TMEM150C: variants seen among roughly 807,000 people sequenced by gnomAD.
TMEM150C encodes tentonin 3.
TMEM150C carries 10 observed loss-of-function variants against 29.9 expected under a neutral mutation model. The ratio of observed to expected loss-of-function variants is 0.33; its 90% CI spans 0.21 to 0.57. The LOEUF (loss-of-function observed/expected upper bound fraction) is 0.57, where lower values mean the gene tolerates loss of function less well. Among genes scored for constraint, TMEM150C ranks in the 20% least tolerant of loss-of-function variants. The pLI is 0.88. For missense variants in TMEM150C, 251 were observed against 303.6 expected, an observed-to-expected ratio of 0.83 and a Z score of 1.29; for synonymous variants, 101 against 112.5, an observed-to-expected ratio of 0.90 and a Z score of 0.64.
chr4:82,524,166 G>C (rs767896571), intron 1 of TMEM150C, among the ~76,000 whole-genome samples: 1 of 151,570 alleles, frequency 6.6e-6, no homozygotes, highest in Non-Finnish European at 1.5e-5. Context: ...TACTCGGAAG[G>C]CTGAGGCAGG....
rs539887817 is a variant in TMEM150C, at chr4:82,549,100, G to A, written c.-11+12806C>T. Among the ~76,000 whole-genome samples the A allele has an allele frequency of 1.7e-4, 26 of 152,052 alleles. No homozygotes were observed. In the East Asian group the frequency reaches 5.0e-3, roughly 29 times the overall value. On this transcript the variant is annotated intron_variant, in intron 1 of 7. Coordinates refer to ENST00000449862, the MANE Select transcript of TMEM150C (RefSeq NM_001080506.3). The stretch of plus-strand genomic sequence containing the variant: ...ACTAAAAAAAAAAATCCCCAATTCA[G>A]AGATAACCACTGTTACATTTGATGT...
chr4:82,501,485 A>G (rs933579670), intron 5 of TMEM150C, among the ~76,000 whole-genome samples: 81 of 152,208 alleles, frequency 5.3e-4, no homozygotes, highest in Admixed American at 3.9e-4. Flanking sequence ...CTGCTTTGGC[A>G]AATGGGATAC....
chr4:82,543,297 A>G (rs1186282416), intron 1 of TMEM150C, among the ~76,000 whole-genome samples: 5 of 152,210 alleles, frequency 3.3e-5, no homozygotes, highest in African/African-American at 1.2e-4. Context: ...GTGGTGGATG[A>G]GCCATGACCC....
chr4:82,487,868 C>A (rs1367208459), intron 7 of TMEM150C, among the ~76,000 whole-genome samples: 4 of 152,090 alleles, frequency 2.6e-5, no homozygotes, highest in Non-Finnish European at 5.9e-5. Flanking sequence ...AAGCTACTTT[C>A]TCTCTCTTTC....
intron 5 of TMEM150C, among the ~76,000 whole-genome samples, chr4:82,499,364 T>C (rs1723654848): frequency 6.6e-6 from 1 of 152,146 alleles, no homozygotes; most frequent in Admixed American, 6.5e-5. Flanking sequence ...GTGGTTTTGG[T>C]ATTTGAAACA....
At chr4:82,501,752 T>C (rs974908391) in intron 5 of TMEM150C, among the ~76,000 whole-genome samples, 1 of 152,204 alleles carries the variant, frequency 6.6e-6, no homozygotes, top group Non-Finnish European at 1.5e-5. Flanking sequence ...GGTCTTCCCA[T>C]TCTTATAGCA....
chr4:82,485,654 A>AAT lies in TMEM150C; in HGVS notation c.606_607insAT (p.Cys203IlefsTer31). On this transcript the variant is annotated frameshift_variant, in exon 8 of 8. Coordinates refer to ENST00000449862, the MANE Select transcript of TMEM150C (RefSeq NM_001080506.3). LOFTEE classifies it high-confidence loss of function. ...AAGGTGCCAAAATAAGACAGGAAGC[A>AAT]CATGACCAGGCCCCACTGGACCCTG... 1 of 1,609,822 alleles carries AAT rather than the reference A, an allele frequency of 6.2e-7. No individual in the cohort carries two copies. The highest frequency in any genetic ancestry group is 8.5e-7 in the Non-Finnish European group (1 of 1,178,082).
intron 1 of TMEM150C, among the ~76,000 whole-genome samples, chr4:82,552,669 C>A (rs1246834200): frequency 6.6e-6 from 1 of 152,274 alleles, no homozygotes; most frequent in East Asian, 1.9e-4. Context: ...CTGAGCTCCC[C>A]GACCCACCCA....
intron 1 of TMEM150C, among the ~76,000 whole-genome samples, chr4:82,559,044 C>T (rs938763730): frequency 2.0e-5 from 3 of 152,182 alleles, no homozygotes; most frequent in Non-Finnish European, 1.5e-5. Flanking sequence ...TTCTCCCCAC[C>T]CTTGAGAATG....
intron 1 of TMEM150C, among the ~76,000 whole-genome samples, chr4:82,555,584 T>G (rs1166614214): frequency 6.6e-6 from 1 of 152,206 alleles, no homozygotes; most frequent in Non-Finnish European, 1.5e-5. Context: ...ATAACTGGCA[T>G]CAGCTTATTT....
intron 1 of TMEM150C, among the ~76,000 whole-genome samples, chr4:82,522,194 GC>G (rs1724510211): frequency 6.6e-6 from 1 of 152,200 alleles, no homozygotes; most frequent in South Asian, 2.1e-4. Context: ...ACAGCTCCCT[GC>G]CTTGGGAGTC....
At chr4:82,515,072 G>A (rs1388886624) in intron 1 of TMEM150C, among the ~76,000 whole-genome samples, 2 of 152,140 alleles carry the variant, frequency 1.3e-5, no homozygotes, top group Non-Finnish European at 2.9e-5. Flanking sequence ...TTAGCTACTA[G>A]AGAGGTACAT....
intron 1 of TMEM150C, among the ~76,000 whole-genome samples, chr4:82,529,181 G>A (rs1447756196): frequency 1.3e-5 from 2 of 152,126 alleles, no homozygotes; most frequent in African/African-American, 4.8e-5. Flanking sequence ...TGCCAAGGAA[G>A]GGGAATGGGA....
intron 1 of TMEM150C, among the ~76,000 whole-genome samples, chr4:82,522,474 C>A (rs943409361): frequency 3.3e-5 from 5 of 152,100 alleles, no homozygotes; most frequent in African/African-American, 1.2e-4. Context: ...TATTTGGGTA[C>A]AAAGGAAGTT....
intron 6 of TMEM150C, chr4:82,490,975 T>C (rs1366997398): frequency 2.7e-6 from 2 of 735,790 alleles, no homozygotes; most frequent in African/African-American, 3.4e-5. Context: ...TCCACCCGCT[T>C]AGCCAAAGCT....
intron 1 of TMEM150C, among the ~76,000 whole-genome samples, chr4:82,521,021 C>T (rs962150909): frequency 6.6e-6 from 1 of 152,206 alleles, no homozygotes; most frequent in African/African-American, 2.4e-5. Context: ...TCAGACACCT[C>T]CCTGCACAGG....
At chr4:82,539,483 C>T (rs1004308840) in intron 1 of TMEM150C, among the ~76,000 whole-genome samples, 2 of 147,570 alleles carry the variant, frequency 1.4e-5, no homozygotes, top group Non-Finnish European at 1.5e-5. Flanking sequence ...GACAGAGTCT[C>T]GCTCTGTCGC....
intron 1 of TMEM150C, among the ~76,000 whole-genome samples, chr4:82,511,428 G>A (rs936320243): frequency 6.7e-6 from 1 of 148,360 alleles, no homozygotes; most frequent in African/African-American, 2.5e-5. Context: ...GTGACCTAAG[G>A]ATTCTTTTTC....
intron 1 of TMEM150C, among the ~76,000 whole-genome samples, chr4:82,514,136 G>A (rs753817933): frequency 1.6e-4 from 24 of 152,334 alleles, no homozygotes; most frequent in Middle Eastern, 6.8e-3. Flanking sequence ...GCAAGACCAA[G>A]GGACACCAAG....
Sources: allele counts gnomAD v4.1 joint callset (sites outside exome capture counted in the v4.1 genomes callset), GRCh38; gene constraint gnomAD v4.1.1; transcripts MANE v1.5; gene names NCBI Gene and HGNC (gene_info 2026-07-23, HGNC 2026-07-21).